The following TMEM123 variants were observed in gnomAD, a reference collection of about 807,000 sequenced individuals.
The protein encoded by TMEM123 is transmembrane protein 123, also known as porimin.
In TMEM123, 16 loss-of-function variants were observed where a neutral mutation model predicts 19.7. The ratio of observed to expected loss-of-function variants is 0.81; its 90% CI spans 0.55 to 1.23. The LOEUF (loss-of-function observed/expected upper bound fraction) is 1.23, where lower values mean the gene tolerates loss of function less well. Among genes scored for constraint, TMEM123 ranks in the 50% most tolerant of loss-of-function variants. The pLI is 0.00. For synonymous variants in TMEM123, 118 were observed against 99.4 expected (o/e 1.19, Z -1.12); for missense variants, 313 against 257.8 (o/e 1.21, Z -1.47).
intron 2 of TMEM123, among the ~76,000 whole-genome samples, chr11:102,406,325 G>A (rs1951955031): frequency 6.6e-6 from 1 of 152,158 alleles, no homozygotes; most frequent in Non-Finnish European, 1.5e-5. Flanking sequence ...CCTTACACCA[G>A]CCTGGGAAGG....
At chr11:102,449,129 C>A in intron 1 of TMEM123, 3 of 333,046 alleles carry the variant, frequency 9.0e-6, no homozygotes, top group South Asian at 3.3e-5. Flanking sequence ...TACCAGCCAC[C>A]GAATGCAACA....
In TMEM123 at chr11:102,452,754, T is replaced by A. The variant is rs1857959174; in HGVS notation, c.-131A>T. ...CGCGCACGTTTCCCCTCCCGCCGCT[T>A]GCCCCCCGAATGACCAAATAGGGCG... On this transcript the variant is annotated 5_prime_UTR_variant, in exon 1 of 5. Coordinates refer to ENST00000398136, the MANE Select transcript of TMEM123 (RefSeq NM_052932.3). 2 of 668,934 alleles carry A rather than the reference T, an allele frequency of 3.0e-6. No individual in the cohort carries two copies. The highest frequency in any genetic ancestry group is 4.4e-5 in the Admixed American group (1 of 22,724). 41.4% of individuals were successfully genotyped at this position (668,934 alleles called of 1,614,324 possible).
chr11:102,423,015 C>CTG (rs1177549114), intron 2 of TMEM123, among the ~76,000 whole-genome samples: 84 of 152,304 alleles, frequency 5.5e-4, no homozygotes, highest in African/African-American at 1.9e-3. Context: ...CACCTACTGA[C>CTG]TCGACAATCC....
chr11:102,446,364 G>C (rs556602145), intron 2 of TMEM123, among the ~76,000 whole-genome samples: 2 of 152,304 alleles, frequency 1.3e-5, no homozygotes, highest in Non-Finnish European at 2.9e-5. Flanking sequence ...TTCAAATAAT[G>C]ATTAGAGGAC....
chr11:102,398,924 TTTG>T (rs1951884998), intron 4 of TMEM123, 33 bp from the exon 5 acceptor site: 2 of 1,592,848 alleles, frequency 1.3e-6, no homozygotes, highest in East Asian at 2.2e-5. Context: ...ATTACTTTGT[TTTG>T]TTTTTTCTGT....
At position 102,452,590 on chromosome 11, in the gene TMEM123, G is replaced by T; in HGVS notation, c.34C>A (p.Leu12Met). The change falls in exon 1 of 5, where the codon CTG becomes ATG. Residue 12 changes from leucine (L) to methionine (M), a missense_variant. Coordinates refer to ENST00000398136, the MANE Select transcript of TMEM123 (RefSeq NM_052932.3). ...GLGARGAWAA[L>M]LLGTLQVLAL... is the part of the protein sequence containing the mutation. Reference sequence around the variant, plus strand: ...AGCACCTGCAGCGTCCCCAGGAGCAGCGCGGCCCAAGCACCTCGCGCGCCG... The same window carrying T: ...AGCACCTGCAGCGTCCCCAGGAGCATCGCGGCCCAAGCACCTCGCGCGCCG... The T allele has an allele frequency of 6.4e-7, 1 of 1,569,300 alleles. No individual in the cohort carries two copies.
At chr11:102,441,987 C>G (rs1857831501) in intron 2 of TMEM123, among the ~76,000 whole-genome samples, 1 of 152,160 alleles carries the variant, frequency 6.6e-6, no homozygotes, top group African/African-American at 2.4e-5. Context: ...TACACCCTCC[C>G]AAGACTAAAC....
rs556905007 is a variant in TMEM123 at position 102,401,512 on chromosome 11, A to T, written c.602+27T>A. Reference sequence around the variant, plus strand: ...AAGATGTGCACCAACAATTTTTTTTAAAAAGTCCTGGCCATTCAAAACTTA... The same window carrying T: ...AAGATGTGCACCAACAATTTTTTTTTAAAAGTCCTGGCCATTCAAAACTTA... On this transcript the variant is annotated intron_variant, in intron 4 of 4. Transcript: ENST00000398136. 100 of 1,528,992 alleles carry T rather than the reference A, an allele frequency of 6.5e-5. No homozygotes were observed. The East Asian group carries it at 1.9e-3, about 29-fold the overall frequency. 94.7% of individuals were successfully genotyped at this position (1,528,992 alleles called of 1,614,324 possible).
chr11:102,444,162 A>G (rs1236018841), intron 2 of TMEM123, among the ~76,000 whole-genome samples: 17 of 152,240 alleles, frequency 1.1e-4, no homozygotes, highest in Admixed American at 1.0e-3. Context: ...ATCCAGAACT[A>G]GAAACACCAT....
chr11:102,441,024 G>A (rs1006179753), intron 2 of TMEM123, among the ~76,000 whole-genome samples: 1 of 152,112 alleles, frequency 6.6e-6, no homozygotes, highest in Non-Finnish European at 1.5e-5. Context: ...CCCAATACAG[G>A]AGCACCCAGA....
At chr11:102,439,335 C>T (rs943899096) in intron 2 of TMEM123, among the ~76,000 whole-genome samples, 20 of 151,492 alleles carry the variant, frequency 1.3e-4, no homozygotes, top group African/African-American at 4.8e-4. Context: ...AACTGGGAGA[C>T]ACCTCCCAGC....
rs1952030992 is a variant in TMEM123 at position 102,414,772 on chromosome 11, ACAAAG to A, written c.158-12571_158-12567del. 3.3e-5 allele frequency among the ~76,000 whole-genome samples: 5 copies of A among 152,330 alleles called. No individual in the cohort carries two copies. In the South Asian group the frequency reaches 1.0e-3, roughly 32 times the overall value. Reference sequence around the variant, plus strand: ...CTTATGTACACAGACCAATGACACTACAAAGCAACTACACAACCAAGTTTACATAG... The same window carrying A: ...CTTATGTACACAGACCAATGACACTACAACTACACAACCAAGTTTACATAG... On this transcript the variant is annotated intron_variant, in intron 2 of 4. Transcript: ENST00000398136.
At chr11:102,410,987 G>A (rs754212711) in intron 2 of TMEM123, among the ~76,000 whole-genome samples, 2 of 151,962 alleles carry the variant, frequency 1.3e-5, no homozygotes, top group Admixed American at 6.6e-5. Flanking sequence ...TTTGGTCTTT[G>A]TCCCTGGTTC....
chr11:102,398,388 T>TTTGA lies in TMEM123; in HGVS notation c.*475_*478dup, dbSNP rs1199347803. The TTTGA allele has an allele frequency of 2.5e-6, 1 of 394,712 alleles. No homozygotes were observed. The highest frequency in any genetic ancestry group is 4.4e-5 in the Admixed American group (1 of 22,658). 24.5% of individuals were successfully genotyped at this position (394,712 alleles called of 1,614,324 possible). On this transcript the variant is annotated 3_prime_UTR_variant, in exon 5 of 5. Coordinates refer to ENST00000398136, the MANE Select transcript of TMEM123 (RefSeq NM_052932.3). ...TTCTTAAATTATGCTTCAGATCTAG[T>TTTGA]TTGATTGTATAATTTCTGTGTGGCA... is the stretch of plus-strand genomic sequence containing the variant.
At chr11:102,406,723 T>G (rs563940915) in intron 2 of TMEM123, among the ~76,000 whole-genome samples, 1 of 151,946 alleles carries the variant, frequency 6.6e-6, no homozygotes, top group East Asian at 1.9e-4. Context: ...TATAAAAAAT[T>G]AGCCGGGCAT....
intron 2 of TMEM123, among the ~76,000 whole-genome samples, chr11:102,440,448 C>T (rs1857813179): frequency 6.6e-6 from 1 of 152,138 alleles, no homozygotes; most frequent in Non-Finnish European, 1.5e-5. Flanking sequence ...TCCAGCCAAA[C>T]TAAGTTTCAT....
intron 2 of TMEM123, among the ~76,000 whole-genome samples, chr11:102,407,299 G>A (rs1226833602): frequency 6.6e-6 from 1 of 152,210 alleles, no homozygotes; most frequent in Non-Finnish European, 1.5e-5. Flanking sequence ...TATTATTTTG[G>A]TATTATTCTG....
chr11:102,405,348 G>A lies in TMEM123; in HGVS notation c.158-3142C>T, dbSNP rs539639703. ...ATTACAGGTGTGAGCCACCGTGCCC[G>A]GCCTGATCTATTTTCTTAATAAGGC... On this transcript the variant is annotated intron_variant, in intron 2 of 4. Transcript: ENST00000398136. Among the ~76,000 whole-genome samples, 14 of 152,170 alleles carry A rather than the reference G, an allele frequency of 9.2e-5. No individual in the cohort carries two copies. The South Asian group carries it at 1.9e-3, about 20-fold the overall frequency.
At position 102,405,004 on chromosome 11, in the gene TMEM123, A is replaced by G. The variant is rs148128615; in HGVS notation, c.158-2798T>C. On this transcript the variant is annotated intron_variant, in intron 2 of 4. Coordinates refer to ENST00000398136, the MANE Select transcript of TMEM123 (RefSeq NM_052932.3). ...ACTGGAATTTCTACTACTTTCTTCA[A>G]CTTTGGGTCTCTGTGATCTCTTCTA... is the stretch of plus-strand genomic sequence containing the variant. Among the ~76,000 whole-genome samples the G allele has an allele frequency of 2.0e-4, 30 of 150,652 alleles. No homozygotes were observed. The East Asian group carries it at 5.9e-3, about 29-fold the overall frequency.
Sources: gnomAD v4.1 joint callset for allele counts (sites outside exome capture counted in the v4.1 genomes callset) on GRCh38, gnomAD v4.1.1 for gene constraint, MANE v1.5 for transcripts, NCBI Gene and HGNC (gene_info 2026-07-23, HGNC 2026-07-21) for gene names.